Variants in GRM7 observed in about 807,000 individuals in gnomAD.
GRM7 encodes the protein glutamate metabotropic receptor 7, also known as metabotropic glutamate receptor 7.
Under a neutral mutation model 84.5 loss-of-function variants are expected in GRM7, and 35 were observed. That is an observed-to-expected ratio of 0.41 (90% CI 0.32 to 0.55). The LOEUF is 0.55. GRM7 is among the 20% of genes least tolerant of loss of function. The pLI, the probability that GRM7 is intolerant of heterozygous loss-of-function variation, is 0.19. For synonymous variants in GRM7, 487 were observed against 455.1 expected, an observed-to-expected ratio of 1.07 and a Z score of -0.89; for missense variants, 1,003 against 1,194.6, an observed-to-expected ratio of 0.84 and a Z score of 2.36.
rs564724897 is a variant in GRM7, at chr3:6,902,836, CACAA to C, written c.519+40933_519+40936del. Among the ~76,000 whole-genome samples, 342 of 135,264 alleles carry C rather than the reference CACAA, an allele frequency of 2.5e-3. 1 individual carries two copies. Among genetic ancestry groups the C allele is most frequent in the African/African-American group, 9.3e-3 (322 of 34,658 alleles). 88.7% of individuals were successfully genotyped at this position (135,264 alleles called of 152,430 possible). The stretch of plus-strand genomic sequence containing the variant: ...CCTTGAGTTTATTAAACAACACGAT[CACAA>C]ACAGACTCCTACACACACACACACA... On this transcript the variant is annotated intron_variant, in intron 1 of 9. Transcript: ENST00000357716.
intron 1 of GRM7, among the ~76,000 whole-genome samples, chr3:7,136,179 T>C (rs1280801781): frequency 1.3e-5 from 2 of 150,404 alleles, no homozygotes; most frequent in Non-Finnish European, 1.5e-5. Context: ...ATATTATTTT[T>C]ATTCATTTTT....
intron 8 of GRM7, among the ~76,000 whole-genome samples, chr3:7,676,378 C>T (rs1232721913): frequency 2.6e-5 from 4 of 152,166 alleles, no homozygotes; most frequent in East Asian, 1.9e-4. Flanking sequence ...TTCATACCTA[C>T]ATATAGTCAT....
intron 4 of GRM7, among the ~76,000 whole-genome samples, chr3:7,329,434 G>A (rs995153171): frequency 6.6e-6 from 1 of 152,160 alleles, no homozygotes; most frequent in African/African-American, 2.4e-5. Flanking sequence ...TTGAGAAGTT[G>A]CAGCCTGATT....
At chr3:6,933,104 A>C (rs555601487) in intron 1 of GRM7, among the ~76,000 whole-genome samples, 1 of 152,298 alleles carries the variant, frequency 6.6e-6, no homozygotes, top group African/African-American at 2.4e-5. Context: ...ATGAATGAAG[A>C]AAGAATAAAG....
chr3:7,161,908 G>T (rs1449140406), intron 2 of GRM7, among the ~76,000 whole-genome samples: 2 of 152,198 alleles, frequency 1.3e-5, no homozygotes, highest in African/African-American at 4.8e-5. Context: ...GGCAGATCCA[G>T]ATGGCTTAGA....
chr3:7,381,672 T>A (rs1694597582), intron 4 of GRM7, among the ~76,000 whole-genome samples: 1 of 152,178 alleles, frequency 6.6e-6, no homozygotes, highest in Non-Finnish European at 1.5e-5. Context: ...ATAATAATAG[T>A]GACTACACTA....
At chr3:7,243,878 G>A (rs1697656834) in intron 2 of GRM7, among the ~76,000 whole-genome samples, 1 of 152,096 alleles carries the variant, frequency 6.6e-6, no homozygotes, top group Non-Finnish European at 1.5e-5. Context: ...GTAGGCAATT[G>A]TAATACAATG....
chr3:7,326,534 G>A (rs1700994624), intron 4 of GRM7, among the ~76,000 whole-genome samples: 1 of 152,048 alleles, frequency 6.6e-6, no homozygotes, highest in African/African-American at 2.4e-5. Flanking sequence ...ATATTGAGCA[G>A]AAGCAAAGGA....
rs1275428312 is a variant in GRM7, at chr3:7,644,205, TGTCTGTAC to T, written c.2452-35843_2452-35836del. On this transcript the variant is annotated intron_variant, in intron 8 of 9. Coordinates refer to ENST00000357716, the MANE Select transcript of GRM7 (RefSeq NM_000844.4). ...ATATATGTCTGTACGTATATATATATGTCTGTACATATATATGTGTGTGTCTGTACATA... is the reference window on the plus strand; with the variant it reads ...ATATATGTCTGTACGTATATATATATATATATATGTGTGTGTCTGTACATA... Among the ~76,000 whole-genome samples, 97 of 145,488 alleles carry T rather than the reference TGTCTGTAC, an allele frequency of 6.7e-4. 25 individuals are homozygous for T. The highest frequency in any genetic ancestry group is 2.3e-3 in the African/African-American group (84 of 36,192).
chr3:7,432,262 G>T (rs1004226752), intron 5 of GRM7, among the ~76,000 whole-genome samples: 1 of 152,196 alleles, frequency 6.6e-6, no homozygotes. Context: ...AAAACACTAG[G>T]AGTGAACGCC....
rs78045174 is a variant in GRM7, at chr3:6,897,955, A to T, written c.519+36048A>T. On this transcript the variant is annotated intron_variant, in intron 1 of 9. Transcript: ENST00000357716. ...CTTAAGTTGAGGGATGCCGCCATCC[A>T]TCACTCAGCAACTTGGCAGGGAGGA... Among the ~76,000 whole-genome samples, 4 of 152,268 alleles carry T rather than the reference A, an allele frequency of 2.6e-5. No individual in the cohort carries two copies. The South Asian group carries it at 6.2e-4, about 24-fold the overall frequency.
rs147264096 is a variant in GRM7 at position 7,443,064 on chromosome 3, C to T, written c.1175-9543C>T. On this transcript the variant is annotated intron_variant, in intron 5 of 9. Transcript: ENST00000357716. ...TCCTCCTCCTCTTTTTATTCTACTT[C>T]CTTCTCTTTTTCTGGTCTTCTCCCT... Among the ~76,000 whole-genome samples, 529 of 151,582 alleles carry T rather than the reference C, an allele frequency of 3.5e-3. 4 individuals carry two copies. Among genetic ancestry groups the T allele is most frequent in the South Asian group, 7.1e-3 (34 of 4,778 alleles).
At chr3:7,243,268 AT>A (rs1021869602) in intron 2 of GRM7, among the ~76,000 whole-genome samples, 18 of 152,192 alleles carry the variant, frequency 1.2e-4, no homozygotes, top group African/African-American at 3.6e-4. Flanking sequence ...CCCAATCTCT[AT>A]TGGCTTAAGG....
intron 8 of GRM7, among the ~76,000 whole-genome samples, chr3:7,651,782 A>G (rs777198909): frequency 6.6e-6 from 1 of 152,200 alleles, no homozygotes; most frequent in Non-Finnish European, 1.5e-5. Context: ...ATTCATAGAC[A>G]GGAGGAAGCT....
intron 9 of GRM7, among the ~76,000 whole-genome samples, chr3:7,695,545 C>T (rs926150768): frequency 2.0e-5 from 3 of 152,192 alleles, no homozygotes; most frequent in African/African-American, 7.2e-5. Context: ...TCTTCCATAA[C>T]TGTTGCTGTT....
chr3:7,229,030 G>A (rs1479759257), intron 2 of GRM7, among the ~76,000 whole-genome samples: 1 of 151,994 alleles, frequency 6.6e-6, no homozygotes, highest in Non-Finnish European at 1.5e-5. Flanking sequence ...TCACAAAGTG[G>A]AAAGAATCAT....
At chr3:7,221,430 C>T (rs755320202) in intron 2 of GRM7, among the ~76,000 whole-genome samples, 1 of 151,982 alleles carries the variant, frequency 6.6e-6, no homozygotes, top group Non-Finnish European at 1.5e-5. Flanking sequence ...GTTTTTCTTC[C>T]ATTTATAGGA....
chr3:7,522,895 A>C (rs1355192862), intron 7 of GRM7, among the ~76,000 whole-genome samples: 1 of 135,510 alleles, frequency 7.4e-6, no homozygotes, highest in African/African-American at 2.7e-5. Context: ...CTCTTCAAGG[A>C]AACAAGAGAG....
chr3:7,215,745 G>A (rs991893989), intron 2 of GRM7, among the ~76,000 whole-genome samples: 2 of 152,108 alleles, frequency 1.3e-5, no homozygotes, highest in African/African-American at 4.8e-5. Context: ...AAGTGAATAT[G>A]CATAAAAATG....
Sources: gnomAD v4.1 joint callset for allele counts (sites outside exome capture counted in the v4.1 genomes callset) on GRCh38, gnomAD v4.1.1 for gene constraint, MANE v1.5 for transcripts, NCBI Gene and HGNC (gene_info 2026-07-23, HGNC 2026-07-21) for gene names.